GALK2: variants seen among roughly 807,000 people sequenced by gnomAD.
The protein encoded by GALK2 is N-acetylgalactosamine kinase.
In GALK2, 36 loss-of-function variants were observed where a neutral mutation model predicts 52.4. That is an observed-to-expected ratio of 0.69 (90% confidence interval 0.53 to 0.91). The LOEUF (loss-of-function observed/expected upper bound fraction) is 0.91. Ranked by LOEUF, GALK2 falls within the 40% of genes least tolerant of loss-of-function variation. The probability of loss-of-function intolerance (pLI) is 0.00; values close to 1 mark genes in which losing one functional copy is unlikely to be tolerated. For missense variants in GALK2, 579 were observed against 559.1 expected (o/e 1.04, Z -0.36); for synonymous variants, 176 against 199.1 (o/e 0.88, Z 0.98).
chr15:49,266,258 A>G (rs779536509), intron 5 of GALK2, among the ~76,000 whole-genome samples: 1 of 152,064 alleles, frequency 6.6e-6, no homozygotes, highest in Non-Finnish European at 1.5e-5. Flanking sequence ...GTTTCTGTTT[A>G]TATCTCATAT....
At chr15:49,168,519 G>C (rs2084899484), upstream of GALK2, among the ~76,000 whole-genome samples, 1 of 152,142 alleles carries the variant, frequency 6.6e-6, no homozygotes. Context: ...AGGAGCTCGA[G>C]ACCAGCCTGC....
At chr15:49,332,113 ACACAC>A (rs2038900540), downstream of GALK2, among the ~76,000 whole-genome samples, 1 of 149,740 alleles carries the variant, frequency 6.7e-6, no homozygotes, top group African/African-American at 2.5e-5. Context: ...ACACACACAC[ACACAC>A]ATCCACAACA....
intron 3 of GALK2, among the ~76,000 whole-genome samples, chr15:49,345,760 G>C (rs1031033675): frequency 6.6e-6 from 1 of 152,146 alleles, no homozygotes; most frequent in African/African-American, 2.4e-5. Context: ...TCTCAACTCA[G>C]GACTCTGGGG....
chr15:49,228,645 C>A (rs2090277391), intron 3 of GALK2, among the ~76,000 whole-genome samples: 1 of 80,556 alleles, frequency 1.2e-5, no homozygotes, highest in African/African-American at 5.2e-5. Context: ...TATCTGTGTT[C>A]TCTTGTCTTT....
At chr15:49,334,240 T>C, downstream of GALK2, 1 of 984,454 alleles carries the variant, frequency 1.0e-6, no homozygotes, top group Non-Finnish European at 1.2e-6. Flanking sequence ...TTGTCAATTC[T>C]TTCCTGCTGC....
chr15:49,173,929 G>C (rs2085270659), intron 1 of GALK2, among the ~76,000 whole-genome samples: 1 of 152,046 alleles, frequency 6.6e-6, no homozygotes, highest in South Asian at 2.1e-4. Flanking sequence ...TTTTAGTAGA[G>C]ACAGGATTTC....
chr15:49,246,467 G>A (rs1046089400), intron 5 of GALK2, among the ~76,000 whole-genome samples: 2 of 152,168 alleles, frequency 1.3e-5, no homozygotes, highest in African/African-American at 2.4e-5. Context: ...GGGAGGTACA[G>A]TAGAGAAGTA....
At chr15:49,354,260 G>T (rs1385946171) in intron 3 of GALK2, among the ~76,000 whole-genome samples, 2 of 152,206 alleles carry the variant, frequency 1.3e-5, no homozygotes, top group Non-Finnish European at 2.9e-5. Flanking sequence ...GGCCGAATAG[G>T]AACAGCTCCG....
At chr15:49,361,708 C>T (rs934145466) in intron 3 of GALK2, among the ~76,000 whole-genome samples, 1 of 152,070 alleles carries the variant, frequency 6.6e-6, no homozygotes, top group Non-Finnish European at 1.5e-5. Context: ...AATGAGCATA[C>T]GCGTGAATGT....
At chr15:49,341,600 CT>C (rs2040739778) in intron 3 of GALK2, among the ~76,000 whole-genome samples, 1 of 152,122 alleles carries the variant, frequency 6.6e-6, no homozygotes, top group Non-Finnish European at 1.5e-5. Context: ...GATTTGCTTA[CT>C]TCAATCTCCC....
In GALK2 at chr15:49,367,000, CACATAAAAATAAATTTTTT is replaced by C. The variant is rs1253150742; in HGVS notation, c.427-489_427-471del. Among the ~76,000 whole-genome samples, 6 of 152,136 alleles carry C rather than the reference CACATAAAAATAAATTTTTT, an allele frequency of 3.9e-5. No individual in the cohort carries two copies. The South Asian group carries it at 1.0e-3, about 26-fold the overall frequency. On this transcript the variant is annotated intron_variant, in intron 3 of 3. Coordinates refer to the GALK2 transcript ENST00000558399. ...CGATTTTAATTTATTTTTTATTTTACACATAAAAATAAATTTTTTAATGTGTAAAAAATGTTCTGATAAA... is the reference window on the plus strand; with the variant it reads ...CGATTTTAATTTATTTTTTATTTTACAATGTGTAAAAAATGTTCTGATAAA...
chr15:49,279,033 A>C (rs1219687115), intron 5 of GALK2, among the ~76,000 whole-genome samples: 1 of 152,246 alleles, frequency 6.6e-6, no homozygotes, highest in African/African-American at 2.4e-5. Flanking sequence ...CACTATCATG[A>C]GAACAGCATG....
intron 3 of GALK2, among the ~76,000 whole-genome samples, chr15:49,220,234 A>G (rs1001616033): frequency 5.9e-5 from 9 of 151,916 alleles, no homozygotes; most frequent in Admixed American, 5.9e-4. Context: ...GTATGTTTTT[A>G]CCTATTTGCC....
At chr15:49,365,180 T>G in intron 3 of GALK2, 1 of 783,002 alleles carries the variant, frequency 1.3e-6, no homozygotes, top group Non-Finnish European at 2.3e-6. Flanking sequence ...TTTTGCATAA[T>G]ACAGATGGTC....
At chr15:49,228,389 A>G (rs2090258598) in intron 3 of GALK2, among the ~76,000 whole-genome samples, 1 of 151,714 alleles carries the variant, frequency 6.6e-6, no homozygotes. Context: ...TTCATAAGTT[A>G]CATAAGGTTT....
intron 1 of GALK2, among the ~76,000 whole-genome samples, chr15:49,175,427 T>TA (rs2085371293): frequency 6.6e-6 from 1 of 152,162 alleles, no homozygotes; most frequent in Non-Finnish European, 1.5e-5. Context: ...AGGAAGTTGT[T>TA]ACACCTCGAC....
intron 1 of GALK2, among the ~76,000 whole-genome samples, chr15:49,195,829 T>TA (rs965125463): frequency 2.6e-5 from 4 of 151,958 alleles, no homozygotes; most frequent in South Asian, 2.1e-4. Flanking sequence ...TTTTTTTTTT[T>TA]ATCCCTTTGC....
intron 1 of GALK2, among the ~76,000 whole-genome samples, chr15:49,181,815 A>C (rs1485666504): frequency 6.6e-6 from 1 of 151,982 alleles, no homozygotes; most frequent in Non-Finnish European, 1.5e-5. Context: ...CATTTGCTTT[A>C]TCATTCTCTA....
At chr15:49,196,670 T>C (rs1395329633) in intron 1 of GALK2, among the ~76,000 whole-genome samples, 1 of 152,230 alleles carries the variant, frequency 6.6e-6, no homozygotes, top group East Asian at 1.9e-4. Flanking sequence ...GTTTTTGGAC[T>C]CATTGATCTA....
Sources: gnomAD v4.1 joint callset for allele counts (sites outside exome capture counted in the v4.1 genomes callset) on GRCh38, gnomAD v4.1.1 for gene constraint, MANE v1.5 for transcripts, NCBI Gene and HGNC (gene_info 2026-07-23, HGNC 2026-07-21) for gene names.